Variants in TTC14 observed in about 807,000 individuals in gnomAD.
The protein encoded by TTC14 is tetratricopeptide repeat protein 14.
In TTC14, 63 loss-of-function variants were observed where a neutral mutation model predicts 79.9. The observed-to-expected ratio is 0.79, with a 90% confidence interval of 0.64 to 0.97. TTC14 has a LOEUF of 0.97. TTC14 is among the 50% of genes least tolerant of loss of function. TTC14 has a pLI of 0.00. For synonymous variants in TTC14, 335 were observed against 309.6 expected, an observed-to-expected ratio of 1.08 and a Z score of -0.86; for missense variants, 895 against 894.0, an observed-to-expected ratio of 1.00 and a Z score of -0.01.
chr3:180,614,897 CT>C, downstream of TTC14: 2 of 1,536,118 alleles, frequency 1.3e-6, no homozygotes, highest in South Asian at 1.2e-5. Context: ...GTGTTTACAA[CT>C]TTTTCAGAAG....
chr3:180,602,212 G>A lies in TTC14; in HGVS notation c.-50G>A. On this transcript the variant is annotated 5_prime_UTR_variant, in exon 1 of 12. Transcript: ENST00000296015. Reference sequence around the variant, plus strand: ...CCACCCGGCTCAAGTAGCGGACACGGAACAGGGAACTATCAGCCCGTCGGC... The same window carrying A: ...CCACCCGGCTCAAGTAGCGGACACGAAACAGGGAACTATCAGCCCGTCGGC... 1 of 1,603,574 alleles carries A rather than the reference G, an allele frequency of 6.2e-7. No individual in the cohort carries two copies. The highest frequency in any genetic ancestry group is 8.5e-7 in the Non-Finnish European group (1 of 1,174,970).
At chr3:180,602,678 A>G (rs1036677667) in intron 1 of TTC14, 9 of 705,904 alleles carry the variant, frequency 1.3e-5, no homozygotes, top group Admixed American at 6.6e-5. Flanking sequence ...GAGCTTTCCT[A>G]TCTGAGTTGG....
rs1716762199 is a variant in TTC14, at chr3:180,607,574, G to C, written c.1173-74G>C. ...TTCCCTAATAAGCTCTCTCATATAA[G>C]CCTTTGACCTGTATGCATATTTGGA... On this transcript the variant is annotated intron_variant, in intron 9 of 11. Coordinates refer to ENST00000296015, the MANE Select transcript of TTC14 (RefSeq NM_133462.4). The C allele has an allele frequency of 2.0e-6, 3 of 1,490,932 alleles. No individual in the cohort carries two copies. The South Asian group carries it at 4.2e-5, about 21-fold the overall frequency. The allele number at this position is 1,490,932 out of a possible 1,614,324, so 92.4% of individuals were successfully genotyped here.
At chr3:180,617,755 A>C (rs1717302507) in exon 13 of TTC14, 1 of 348,420 alleles carries the variant, frequency 2.9e-6, no homozygotes, top group Admixed American at 4.7e-5. Flanking sequence ...AAAAATGTTT[A>C]AAGTTAAAAA....
At chr3:180,602,568 G>C in intron 1 of TTC14, 146 bp downstream of exon 1, 2 of 1,121,978 alleles carry the variant, frequency 1.8e-6, no homozygotes, top group Non-Finnish European at 2.5e-6. Context: ...GGGCTGGGTG[G>C]ACGGGGGGCG....
chr3:180,608,637 A>G (rs140660944), intron 10 of TTC14, 64 bp from the exon 11 acceptor site: 1 of 1,397,668 alleles, frequency 7.2e-7, no homozygotes, highest in Non-Finnish European at 9.3e-7. Flanking sequence ...TCTTTTGAAT[A>G]CTGGGTTTTA....
Position 180,616,368 on chromosome 3 carries a change from A to T in TTC14, c.1775-1012A>T, listed in dbSNP as rs746715780. On this transcript the variant is annotated intron_variant, in intron 12 of 12. Coordinates refer to the TTC14 transcript ENST00000382584. ...TGTAGGTAGTTCTAACCCACTCTGG[A>T]GGAATATTCAATAGCAATCATTAGT... is the stretch of plus-strand genomic sequence containing the variant. 5 of 1,607,854 alleles carry T rather than the reference A, an allele frequency of 3.1e-6. No homozygotes were observed. The African/African-American group carries it at 5.3e-5, about 17-fold the overall frequency.
At position 180,611,044 on chromosome 3, in the gene TTC14, T is replaced by A. The variant is rs1442124735; in HGVS notation, c.*502T>A. On this transcript the variant is annotated 3_prime_UTR_variant, in exon 12 of 12. Transcript: ENST00000296015. ...TTTAAATATTACATTTTTTGCCCAATTTTTTTTAAAATTTTTAAATGGTAG... is the reference window on the plus strand; with the variant it reads ...TTTAAATATTACATTTTTTGCCCAAATTTTTTTAAAATTTTTAAATGGTAG... The A allele has an allele frequency of 1.2e-5, 11 of 948,488 alleles. No individual in the cohort carries two copies. The highest frequency in any genetic ancestry group is 1.4e-5 in the Non-Finnish European group (11 of 796,482). The allele number at this position is 948,488 out of a possible 1,614,324, so 58.8% of individuals were successfully genotyped here.
rs1012513191 is a variant in TTC14, at chr3:180,611,043, A to AT, written c.*509dup. ...GTTTAAATATTACATTTTTTGCCCA[A>AT]TTTTTTTTAAAATTTTTAAATGGTA... On this transcript the variant is annotated 3_prime_UTR_variant, in exon 12 of 12. Transcript: ENST00000296015. 3.8e-5 allele frequency: 36 copies of AT among 950,814 alleles called. No homozygotes were observed. Among genetic ancestry groups the AT allele is most frequent in the Admixed American group, 1.2e-4 (2 of 16,192 alleles). 58.9% of individuals were successfully genotyped at this position (950,814 alleles called of 1,614,324 possible).
chr3:180,604,577 T>C lies in TTC14; in HGVS notation c.671T>C (p.Ile224Thr). ...PHLSGIKLGV[I>T]SSEELPLYYR... ...CTATCTGGTATTAAATTAGGTGTAA[T>C]TAGCTCTGAAGAGCTTCCTTTATAC... The change falls in exon 5 of 12, where the codon ATT becomes ACT. Residue 224 changes from isoleucine (I) to threonine (T), a missense_variant. Transcript: ENST00000296015. 1.9e-6 allele frequency: 3 copies of C among 1,610,400 alleles called. No individual in the cohort carries two copies. Among genetic ancestry groups the C allele is most frequent in the Non-Finnish European group, 2.5e-6 (3 of 1,178,854 alleles).
At chr3:180,603,879 A>T (rs1025484803) in intron 3 of TTC14, 1 of 280,328 alleles carries the variant, frequency 3.6e-6, no homozygotes, top group Non-Finnish European at 6.8e-6. Context: ...ATTGGATAAC[A>T]GACAAAATAC....
chr3:180,603,983 C>T, intron 3 of TTC14: 1 of 521,894 alleles, frequency 1.9e-6, no homozygotes, highest in Non-Finnish European at 3.4e-6. Context: ...CTGTCATAAG[C>T]CATCATATTT....
intron 11 of TTC14, chr3:180,609,242 T>TGCCCCC: frequency 4.9e-6 from 3 of 606,938 alleles, no homozygotes; most frequent in Non-Finnish European, 6.3e-6. Flanking sequence ...ACAGGTCAGC[T>TGCCCCC]CCCACCCGCA....
downstream of TTC14, among the ~76,000 whole-genome samples, chr3:180,615,615 C>G (rs1036200995): frequency 3.3e-5 from 5 of 151,878 alleles, no homozygotes; most frequent in Non-Finnish European, 4.4e-5. Flanking sequence ...AAATGAAACA[C>G]TTTTTTTAGG....
chr3:180,603,662 G>T, intron 3 of TTC14: 1 of 265,208 alleles, frequency 3.8e-6, no homozygotes, highest in African/African-American at 2.3e-5. Context: ...TTAATATTTG[G>T]CATTGTATAT....
At chr3:180,615,120 AT>A, downstream of TTC14, 1 of 1,432,312 alleles carries the variant, frequency 7.0e-7, no homozygotes, top group Non-Finnish European at 9.4e-7. Flanking sequence ...CAAAGTTTAT[AT>A]TTTAGTATAG....
At position 180,609,746 on chromosome 3, in the gene TTC14, A is replaced by G. The variant is rs1350753592; in HGVS notation, c.1517A>G (p.Lys506Arg). The G allele has an allele frequency of 1.1e-5, 17 of 1,613,862 alleles. No homozygotes were observed. The African/African-American group carries it at 1.6e-4, about 15-fold the overall frequency. ...GGTCACAAAAGGCATAAGAAACATA[A>G]GAGGAACCGTTCAGAGTCTTCTCGC... Reference protein sequence around the residue: ...SSGHKRHKKHKRNRSESSRSS... With the variant: ...SSGHKRHKKHRRNRSESSRSS... Residue 506 changes from lysine (K) to arginine (R), a missense_variant, in exon 12 of 12, where the codon AAG (lysine) becomes AGG (arginine). Transcript: ENST00000296015.
intron 12 of TTC14, chr3:180,617,314 T>G: frequency 2.0e-6 from 1 of 488,642 alleles, no homozygotes; most frequent in Admixed American, 3.4e-5. Context: ...TAATACTTGA[T>G]AGTGATAATA....
intron 3 of TTC14, 58 bp downstream of exon 3, chr3:180,603,381 GA>G (rs1456004568): frequency 7.1e-7 from 1 of 1,404,918 alleles, no homozygotes; most frequent in South Asian, 1.2e-5. Flanking sequence ...CTCAATGCAA[GA>G]ACTATATCTT....
Sources: allele counts gnomAD v4.1 joint callset (sites outside exome capture counted in the v4.1 genomes callset), GRCh38; gene constraint gnomAD v4.1.1; transcripts MANE v1.5; gene names NCBI Gene and HGNC (gene_info 2026-07-23, HGNC 2026-07-21).